SSH2: variants seen among roughly 807,000 people sequenced by gnomAD.
SSH2 encodes slingshot protein phosphatase 2, also known as protein phosphatase Slingshot homolog 2.
In SSH2, 37 loss-of-function variants were observed where a neutral mutation model predicts 135.2. The observed-to-expected ratio is 0.27, with a 90% CI of 0.21 to 0.36. The LOEUF (loss-of-function observed/expected upper bound fraction) is 0.36, where lower values mean the gene tolerates loss of function less well. Ranked by LOEUF, SSH2 falls within the 10% of genes least tolerant of loss-of-function variation. The pLI, the probability that SSH2 is intolerant of heterozygous loss-of-function variation, is 1.00. For synonymous variants in SSH2, 628 were observed against 646.2 expected, an observed-to-expected ratio of 0.97 and a Z score of 0.43; for missense variants, 1,408 against 1,765.3, an observed-to-expected ratio of 0.80 and a Z score of 3.63.
At chr17:29,668,970 C>T (rs188080126) in intron 9 of SSH2, among the ~76,000 whole-genome samples, 276 of 151,782 alleles carry the variant, frequency 1.8e-3, no homozygotes, top group Non-Finnish European at 3.3e-3. Context: ...TAGAGCAGGC[C>T]GGGTGTGGTA....
intron 2 of SSH2, among the ~76,000 whole-genome samples, chr17:29,827,984 C>T (rs1374342565): frequency 6.6e-6 from 1 of 152,160 alleles, no homozygotes; most frequent in East Asian, 1.9e-4. Flanking sequence ...ATTCCTAACA[C>T]TCTCCTAATT....
At chr17:29,909,948 ATTG>A (rs915275021) in intron 1 of SSH2, among the ~76,000 whole-genome samples, 2 of 151,982 alleles carry the variant, frequency 1.3e-5, no homozygotes, top group Non-Finnish European at 1.5e-5. Flanking sequence ...TGTTGTTGTT[ATTG>A]TTGTTGTTTT....
At chr17:29,919,765 T>TG (rs11392749) in intron 1 of SSH2, among the ~76,000 whole-genome samples, 82,906 of 151,432 alleles carry the variant, frequency 0.55, 23,020 homozygotes, top group East Asian at 0.69. Flanking sequence ...TAGGTGTTTT[T>TG]TTTTTTTAAT....
intron 1 of SSH2, among the ~76,000 whole-genome samples, chr17:29,926,265 G>A (rs1230740832): frequency 2.6e-5 from 4 of 151,920 alleles, no homozygotes; most frequent in Admixed American, 2.0e-4. Context: ...TAGGCCAGGT[G>A]TGGTGGCTCA....
At chr17:29,824,872 C>CT (rs2042717157) in intron 2 of SSH2, among the ~76,000 whole-genome samples, 1 of 152,148 alleles carries the variant, frequency 6.6e-6, no homozygotes, top group South Asian at 2.1e-4. Flanking sequence ...TATTCTCCAG[C>CT]TAGAACTACT....
intron 3 of SSH2, among the ~76,000 whole-genome samples, chr17:29,780,171 T>C (rs2151286921): frequency 6.6e-6 from 1 of 150,924 alleles, no homozygotes; most frequent in East Asian, 2.0e-4. Flanking sequence ...GAGCCTAGAT[T>C]GTGCCATTGC....
Position 29,631,698 on chromosome 17 carries a change from G to A in SSH2, c.3496C>T (p.His1166Tyr), listed in dbSNP as rs201765693. 6.2e-7 allele frequency: 1 copy of A among 1,614,182 alleles called. No homozygotes were observed. The highest frequency in any genetic ancestry group is 8.5e-7 in the Non-Finnish European group (1 of 1,180,036). Residue 1166 changes from histidine to tyrosine, a missense_variant, in exon 16 of 16, where the codon CAC becomes TAC. Coordinates refer to ENST00000540801, the MANE Select transcript of SSH2 (RefSeq NM_001282129.2). The part of the protein sequence containing the change: ...LDYLHPQTMV[H>Y]LEGFTEQSST... ...CTCTGCTCTGTGAAGCCCTCCAGGT[G>A]AACCATAGTCTGGGGATGCAGGTAA...
At chr17:29,868,285 T>G (rs2065885507) in intron 1 of SSH2, among the ~76,000 whole-genome samples, 1 of 152,136 alleles carries the variant, frequency 6.6e-6, no homozygotes, top group Non-Finnish European at 1.5e-5. Context: ...GATCCTTGAA[T>G]CCATAAAATT....
chr17:29,756,677 T>C (rs1201493051), intron 3 of SSH2, among the ~76,000 whole-genome samples: 1 of 151,330 alleles, frequency 6.6e-6, no homozygotes, highest in Admixed American at 6.6e-5. Context: ...TTTTTTGAGA[T>C]ACAGTCTCAC....
At position 29,684,285 on chromosome 17, in the gene SSH2, T is replaced by C. The variant is rs988420046; in HGVS notation, c.479+278A>G. On this transcript the variant is annotated intron_variant, in intron 6 of 15. Coordinates refer to ENST00000540801, the MANE Select transcript of SSH2 (RefSeq NM_001282129.2). ...TCACTTGAGGTCAGGAGTTTGAAACTGGCCAATATGGCAAAACCCCATCTC... is the reference window on the plus strand; with the variant it reads ...TCACTTGAGGTCAGGAGTTTGAAACCGGCCAATATGGCAAAACCCCATCTC... Among the ~76,000 whole-genome samples, 20 of 152,224 alleles carry C rather than the reference T, an allele frequency of 1.3e-4. No homozygotes were observed. In the South Asian group the frequency reaches 1.5e-3, roughly 11 times the overall value.
chr17:29,818,215 C>A (rs1009193958), intron 2 of SSH2, among the ~76,000 whole-genome samples: 1 of 148,334 alleles, frequency 6.7e-6, no homozygotes, highest in African/African-American at 2.5e-5. Flanking sequence ...TATTTTTAAT[C>A]CATGGTTGGT....
intron 5 of SSH2, among the ~76,000 whole-genome samples, chr17:29,688,104 G>A (rs1424546331): frequency 3.3e-5 from 5 of 151,218 alleles, no homozygotes; most frequent in Non-Finnish European, 5.9e-5. Context: ...CCCGCCCCCC[G>A]GGTTCAAGCG....
At chr17:29,753,262 G>A (rs965675659) in intron 3 of SSH2, among the ~76,000 whole-genome samples, 5 of 151,654 alleles carry the variant, frequency 3.3e-5, no homozygotes, top group African/African-American at 1.2e-4. Context: ...TCCCGAGTAG[G>A]TGGGATTACA....
intron 3 of SSH2, among the ~76,000 whole-genome samples, chr17:29,774,943 C>T (rs190498316): frequency 3.9e-5 from 6 of 152,250 alleles, no homozygotes; most frequent in East Asian, 1.9e-4. Context: ...CCCATTTGCT[C>T]GCAGTATCCT....
chr17:29,868,393 A>G lies in SSH2; in HGVS notation c.64-19464T>C, dbSNP rs568370760. ...TAGCCAACACCATAGGGAGGTTGCC[A>G]AGCGCCTTGGGGGAACCCTCATGGA... On this transcript the variant is annotated intron_variant, in intron 1 of 15. Coordinates refer to ENST00000540801, the MANE Select transcript of SSH2 (RefSeq NM_001282129.2). 6.6e-5 allele frequency among the ~76,000 whole-genome samples: 10 copies of G among 152,258 alleles called. No homozygotes were observed. In the East Asian group the frequency reaches 1.9e-3, roughly 29 times the overall value.
intron 1 of SSH2, among the ~76,000 whole-genome samples, chr17:29,854,260 G>A (rs1352829066): frequency 1.3e-5 from 2 of 151,882 alleles, no homozygotes; most frequent in East Asian, 1.9e-4. Flanking sequence ...TGCGTATTAA[G>A]CACTTTTCTG....
intron 2 of SSH2, among the ~76,000 whole-genome samples, chr17:29,794,189 A>G (rs1166107002): frequency 6.6e-6 from 1 of 152,246 alleles, no homozygotes; most frequent in East Asian, 1.9e-4. Flanking sequence ...AGTGCTATTC[A>G]TTAAAACAAT....
chr17:29,722,271 C>A, intron 3 of SSH2, among the ~76,000 whole-genome samples: 1 of 132,674 alleles, frequency 7.5e-6, no homozygotes. Context: ...GGGACATTAT[C>A]TCAAAAAAAA....
chr17:29,652,481 A>G (rs2036617843), intron 12 of SSH2, among the ~76,000 whole-genome samples: 1 of 152,162 alleles, frequency 6.6e-6, no homozygotes, highest in Non-Finnish European at 1.5e-5. Context: ...GCACGGCTCT[A>G]TGAATATACT....
Sources: allele counts gnomAD v4.1 joint callset (sites outside exome capture counted in the v4.1 genomes callset), GRCh38; gene constraint gnomAD v4.1.1; transcripts MANE v1.5; gene names NCBI Gene and HGNC (gene_info 2026-07-23, HGNC 2026-07-21).